VIT: variants seen among roughly 807,000 people sequenced by gnomAD.
VIT encodes the protein vitrin.
In VIT, 99 loss-of-function variants were observed where a neutral mutation model predicts 78.0. That is an observed-to-expected ratio of 1.27 (90% CI 1.08 to 1.50). VIT has a LOEUF of 1.50. Ranked by LOEUF, VIT falls within the 40% of genes most tolerant of loss-of-function variation. The pLI is 0.00. For missense variants in VIT, 1,126 were observed against 875.3 expected, an observed-to-expected ratio of 1.29 and a Z score of -3.61; for synonymous variants, 374 against 334.3, an observed-to-expected ratio of 1.12 and a Z score of -1.29.
At chr2:36,786,983 A>C (rs1558571823) in intron 11 of VIT, 146 bp from the exon 12 acceptor site, 1 of 1,010,566 alleles carries the variant, frequency 9.9e-7, no homozygotes, top group Non-Finnish European at 1.4e-6. Flanking sequence ...GTGGGATGTA[A>C]ATAAATATAC....
chr2:36,732,057 A>G (rs1372623589), intron 3 of VIT, among the ~76,000 whole-genome samples: 1 of 152,250 alleles, frequency 6.6e-6, no homozygotes, highest in Non-Finnish European at 1.5e-5. Flanking sequence ...CAGGACCAAG[A>G]GCCAAGAGGA....
chr2:36,795,052 G>C (rs1351583215), intron 12 of VIT, among the ~76,000 whole-genome samples: 2 of 152,074 alleles, frequency 1.3e-5, no homozygotes, highest in South Asian at 2.1e-4. Context: ...TCTTCCATTT[G>C]TTTATTTCAC....
At chr2:36,712,163 A>G (rs1406455097) in intron 1 of VIT, among the ~76,000 whole-genome samples, 1 of 151,724 alleles carries the variant, frequency 6.6e-6, no homozygotes, top group East Asian at 1.9e-4. Context: ...TTTTTTTCAC[A>G]CATTTCAAAA....
chr2:36,731,238 G>T (rs952161176), intron 3 of VIT, among the ~76,000 whole-genome samples: 3 of 152,054 alleles, frequency 2.0e-5, no homozygotes, highest in Non-Finnish European at 4.4e-5. Flanking sequence ...CTACTGGCCA[G>T]CAGTAAGGCA....
chr2:36,773,722 T>G (rs568052838), intron 7 of VIT, 69 bp from the exon 8 acceptor site: 335 of 1,356,624 alleles, frequency 2.5e-4, no homozygotes, highest in Non-Finnish European at 2.9e-4. Context: ...AGACTCCGAC[T>G]CAAAAATAAA....
At chr2:36,808,369 AGG>A in intron 14 of VIT, 101 bp from the exon 15 acceptor site, 1 of 1,429,214 alleles carries the variant, frequency 7.0e-7, no homozygotes, top group Non-Finnish European at 9.3e-7. Context: ...GCAGAAAACA[AGG>A]GCCTGCTTGC....
chr2:36,769,743 G>A lies in VIT; in HGVS notation c.679+2458G>A, dbSNP rs189677884. Reference sequence around the variant, plus strand: ...GTAAAGTACAAATCAATGGTTTTTCGTATATTCATAGGGTTGTGTGACCAT... The same window carrying A: ...GTAAAGTACAAATCAATGGTTTTTCATATATTCATAGGGTTGTGTGACCAT... On this transcript the variant is annotated intron_variant, in intron 7 of 15. Transcript: ENST00000379242. Among the ~76,000 whole-genome samples, 80 of 152,106 alleles carry A rather than the reference G, an allele frequency of 5.3e-4. 1 individual carries two copies. In the East Asian group the frequency reaches 9.3e-3, roughly 18 times the overall value.
intron 14 of VIT, among the ~76,000 whole-genome samples, chr2:36,807,966 C>T (rs1207531959): frequency 6.6e-6 from 1 of 152,156 alleles, no homozygotes; most frequent in Non-Finnish European, 1.5e-5. Flanking sequence ...TGATGGGACC[C>T]CTAACATGTG....
At chr2:36,716,268 A>T in intron 1 of VIT, 85 bp from the exon 2 acceptor site, 1 of 1,082,224 alleles carries the variant, frequency 9.2e-7, no homozygotes, top group Non-Finnish European at 1.4e-6. Context: ...ATGCAAAATG[A>T]TGCAGTCTAT....
intron 2 of VIT, among the ~76,000 whole-genome samples, chr2:36,725,877 G>C (rs1055886951): frequency 3.3e-5 from 5 of 152,064 alleles, no homozygotes; most frequent in Non-Finnish European, 7.4e-5. Flanking sequence ...TTCAAGACCA[G>C]CCTGGCCAAC....
intron 8 of VIT, 47 bp from the exon 9 acceptor site, chr2:36,774,955 G>A (rs1669962016): frequency 2.5e-6 from 4 of 1,602,000 alleles, no homozygotes; most frequent in Non-Finnish European, 3.4e-6. Flanking sequence ...AAAGAAAGCA[G>A]CCTGCTGGTT....
intron 12 of VIT, among the ~76,000 whole-genome samples, chr2:36,788,243 C>T (rs1047154791): frequency 6.6e-6 from 1 of 152,120 alleles, no homozygotes; most frequent in Non-Finnish European, 1.5e-5. Context: ...TACTCACCCT[C>T]CTGAAAAGAA....
intron 12 of VIT, among the ~76,000 whole-genome samples, chr2:36,790,789 G>A (rs1665436277): frequency 6.6e-6 from 1 of 152,250 alleles, no homozygotes; most frequent in South Asian, 2.1e-4. Flanking sequence ...GACATCGTGT[G>A]TGGACAAAAG....
intron 2 of VIT, among the ~76,000 whole-genome samples, chr2:36,726,431 ATAT>A: frequency 6.6e-6 from 1 of 152,362 alleles, no homozygotes; most frequent in East Asian, 1.9e-4. Context: ...AGACTGGAAA[ATAT>A]TATACTTTTG....
Position 36,729,413 on chromosome 2 carries a change from T to G in VIT, c.53-13T>G, listed in dbSNP as rs1218695735. ...TAAAATTGATTAAATTTTTAAAAAT[T>G]TTCTTCATGTAGTTTTGCTGGTGAC... On this transcript the variant is annotated splice_polypyrimidine_tract_variant and intron_variant, in intron 2 of 15. Coordinates refer to ENST00000379242, the MANE Select transcript of VIT (RefSeq NM_053276.4). 3.2e-6 allele frequency: 5 copies of G among 1,587,174 alleles called. No individual in the cohort carries two copies. Among genetic ancestry groups the G allele is most frequent in the Non-Finnish European group, 4.3e-6 (5 of 1,171,292 alleles).
intron 5 of VIT, among the ~76,000 whole-genome samples, chr2:36,757,043 A>G (rs947564029): frequency 6.6e-6 from 1 of 152,182 alleles, no homozygotes; most frequent in African/African-American, 2.4e-5. Context: ...GATAATAAAC[A>G]TTTGTGCTTC....
rs111659408 is a variant in VIT, at chr2:36,792,062, C to T, written c.1058+4786C>T. 7.7e-3 allele frequency among the ~76,000 whole-genome samples: 1,176 copies of T among 152,244 alleles called. 18 individuals are homozygous for T. The highest frequency in any genetic ancestry group is 0.027 in the African/African-American group (1,127 of 41,540). On this transcript the variant is annotated intron_variant, in intron 12 of 15. Coordinates refer to ENST00000379242, the MANE Select transcript of VIT (RefSeq NM_053276.4). The stretch of plus-strand genomic sequence containing the variant: ...AGGGGCTGTCTGGGCCTTGACTTCA[C>T]GTTGGCATTACCTGGGGAGCTTTTT...
intron 1 of VIT, among the ~76,000 whole-genome samples, chr2:36,701,222 G>T (rs1366911527): frequency 1.3e-5 from 2 of 152,122 alleles, no homozygotes; most frequent in Non-Finnish European, 2.9e-5. Context: ...TTTTATTTCT[G>T]TCATTCTTGG....
chr2:36,781,625 C>T, intron 9 of VIT, 102 bp from the exon 10 acceptor site: 1 of 1,340,576 alleles, frequency 7.5e-7, no homozygotes, highest in Non-Finnish European at 1.1e-6. Context: ...ATTGAACTTT[C>T]AGACACAATT....
Sources: gnomAD v4.1 joint callset for allele counts (sites outside exome capture counted in the v4.1 genomes callset) on GRCh38, gnomAD v4.1.1 for gene constraint, MANE v1.5 for transcripts, NCBI Gene and HGNC (gene_info 2026-07-23, HGNC 2026-07-21) for gene names.